The following NLGN1 variants were observed in gnomAD, a reference collection of about 807,000 sequenced individuals.
The protein encoded by NLGN1 is neuroligin-1.
In NLGN1, 12 loss-of-function variants were observed where a neutral mutation model predicts 65.5. The ratio of observed to expected loss-of-function variants is 0.18; its 90% CI spans 0.12 to 0.30. The LOEUF (loss-of-function observed/expected upper bound fraction) is 0.30. Among genes scored for constraint, NLGN1 ranks in the 10% least tolerant of loss-of-function variants. The pLI, the probability that NLGN1 is intolerant of heterozygous loss-of-function variation, is 1.00. For missense variants in NLGN1, 750 were observed against 1,007.1 expected, an observed-to-expected ratio of 0.74 and a Z score of 3.46; for synonymous variants, 350 against 359.5, an observed-to-expected ratio of 0.97 and a Z score of 0.30.
chr3:173,428,637 A>G (rs937058769), intron 1 of NLGN1, among the ~76,000 whole-genome samples: 6 of 151,928 alleles, frequency 3.9e-5, no homozygotes, highest in African/African-American at 1.4e-4. Flanking sequence ...ATTATTTTTG[A>G]TAAATTTGTC....
intron 2 of NLGN1, among the ~76,000 whole-genome samples, chr3:173,560,542 T>C (rs1379979716): frequency 6.6e-6 from 1 of 152,028 alleles, no homozygotes; most frequent in African/African-American, 2.4e-5. Context: ...TTTTTATTAT[T>C]CTAGCTTCAA....
At chr3:173,989,365 A>C (rs1185939929) in intron 4 of NLGN1, among the ~76,000 whole-genome samples, 1 of 152,166 alleles carries the variant, frequency 6.6e-6, no homozygotes, top group East Asian at 1.9e-4. Flanking sequence ...CAGAATAATA[A>C]TACTCCAAAT....
chr3:173,784,773 T>C (rs962890129), intron 3 of NLGN1, among the ~76,000 whole-genome samples: 2 of 152,100 alleles, frequency 1.3e-5, no homozygotes, highest in Admixed American at 6.5e-5. Flanking sequence ...TAAATGAAGA[T>C]TTGTAAATAT....
chr3:173,833,704 G>A (rs1334379851), intron 4 of NLGN1, among the ~76,000 whole-genome samples: 1 of 152,016 alleles, frequency 6.6e-6, no homozygotes, highest in East Asian at 1.9e-4. Flanking sequence ...CTTTTGTAGA[G>A]ATGGAGTTTT....
intron 2 of NLGN1, among the ~76,000 whole-genome samples, chr3:173,478,065 A>G (rs1185063227): frequency 6.6e-6 from 1 of 152,242 alleles, no homozygotes; most frequent in Admixed American, 6.5e-5. Flanking sequence ...GTATACCCAA[A>G]GGAACATAAA....
intron 4 of NLGN1, among the ~76,000 whole-genome samples, chr3:173,946,142 A>G (rs1392088714): frequency 6.6e-6 from 1 of 152,244 alleles, no homozygotes; most frequent in Non-Finnish European, 1.5e-5. Context: ...GAGTTTAGAA[A>G]TGCAAATTAT....
At chr3:173,599,167 T>C (rs1430276216) in intron 2 of NLGN1, among the ~76,000 whole-genome samples, 1 of 152,154 alleles carries the variant, frequency 6.6e-6, no homozygotes, top group East Asian at 1.9e-4. Flanking sequence ...TGTAAAATTG[T>C]GTTCATTTGT....
At chr3:173,982,075 G>T (rs905670091) in intron 4 of NLGN1, among the ~76,000 whole-genome samples, 1 of 152,020 alleles carries the variant, frequency 6.6e-6, no homozygotes, top group Non-Finnish European at 1.5e-5. Flanking sequence ...TATGAGCAAG[G>T]AAACTAAGAT....
rs570133308 is a variant in NLGN1 at position 173,938,315 on chromosome 3, G to A, written c.646+130483G>A. ...CGTGAGCAAGTGCCCCTCCATAGCA[G>A]AAAATGTAAGAGCCAGAGCATGACT... On this transcript the variant is annotated intron_variant, in intron 4 of 6. Transcript: ENST00000457714. Among the ~76,000 whole-genome samples the A allele has an allele frequency of 4.6e-5, 7 of 152,202 alleles. No individual in the cohort carries two copies. The East Asian group carries it at 9.7e-4, about 21-fold the overall frequency.
At chr3:173,540,632 A>G (rs571987332) in intron 2 of NLGN1, among the ~76,000 whole-genome samples, 5 of 152,240 alleles carry the variant, frequency 3.3e-5, no homozygotes, top group African/African-American at 1.2e-4. Context: ...CAGGAAGTGC[A>G]GCCCTGCCAT....
At chr3:174,105,713 C>CTATATCTATATG (rs1561053937) in intron 4 of NLGN1, among the ~76,000 whole-genome samples, 150 of 136,954 alleles carry the variant, frequency 1.1e-3, no homozygotes, top group South Asian at 2.4e-3. Flanking sequence ...ATATCTATAT[C>CTATATCTATATG]TAGATATATA....
At chr3:173,477,551 GA>G (rs889228066) in intron 2 of NLGN1, among the ~76,000 whole-genome samples, 7 of 151,454 alleles carry the variant, frequency 4.6e-5, no homozygotes, top group African/African-American at 7.3e-5. Flanking sequence ...CTCAAAAAAA[GA>G]AAAAAAATAA....
At chr3:173,885,322 G>A (rs1051931350) in intron 4 of NLGN1, among the ~76,000 whole-genome samples, 1 of 151,722 alleles carries the variant, frequency 6.6e-6, no homozygotes, top group East Asian at 1.9e-4. Flanking sequence ...TATGATATCT[G>A]CCTAGTTCAT....
At chr3:174,031,086 G>C (rs1039107587) in intron 4 of NLGN1, among the ~76,000 whole-genome samples, 5 of 152,124 alleles carry the variant, frequency 3.3e-5, no homozygotes, top group Non-Finnish European at 7.4e-5. Context: ...CCCAATACTG[G>C]CAGCCAAGTT....
chr3:173,834,082 C>T (rs990601325), intron 4 of NLGN1, among the ~76,000 whole-genome samples: 10 of 152,094 alleles, frequency 6.6e-5, no homozygotes, highest in African/African-American at 2.4e-4. Flanking sequence ...TTTCTCTCAA[C>T]ACCATGTTTT....
At chr3:174,270,307 G>GAGTT (rs1339985886) in intron 4 of NLGN1, among the ~76,000 whole-genome samples, 8 of 149,984 alleles carry the variant, frequency 5.3e-5, no homozygotes, top group Non-Finnish European at 1.0e-4. Flanking sequence ...TTTTCATTTT[G>GAGTT]AGTTAATTTT....
At chr3:173,648,905 A>C (rs1758702427) in intron 3 of NLGN1, among the ~76,000 whole-genome samples, 1 of 152,102 alleles carries the variant, frequency 6.6e-6, no homozygotes, top group South Asian at 2.1e-4. Context: ...CCCACTCATC[A>C]GTATTTAACC....
intron 4 of NLGN1, among the ~76,000 whole-genome samples, chr3:174,098,387 A>T (rs545174395): frequency 1.3e-4 from 20 of 152,318 alleles, no homozygotes; most frequent in Admixed American, 3.9e-4. Context: ...TCTTACTATA[A>T]TATGCATGTC....
chr3:174,286,819 C>A (rs1273026307), downstream of NLGN1, among the ~76,000 whole-genome samples: 1 of 151,212 alleles, frequency 6.6e-6, no homozygotes, highest in African/African-American at 2.4e-5. Flanking sequence ...TTGGTGAATG[C>A]AGGGCAAGAA....
Sources: gnomAD v4.1 joint callset for allele counts (sites outside exome capture counted in the v4.1 genomes callset) on GRCh38, gnomAD v4.1.1 for gene constraint, MANE v1.5 for transcripts, NCBI Gene and HGNC (gene_info 2026-07-23, HGNC 2026-07-21) for gene names.